Variants in SYN2 observed in about 807,000 individuals in gnomAD.
SYN2 encodes synapsin II, also known as synapsin-2.
A neutral mutation model predicts 50.9 loss-of-function variants in SYN2; 19 were observed. The ratio of observed to expected loss-of-function variants is 0.37; its 90% confidence interval spans 0.26 to 0.55. The LOEUF (loss-of-function observed/expected upper bound fraction) is 0.55, where lower values mean the gene tolerates loss of function less well. Among genes scored for constraint, SYN2 ranks in the 20% least tolerant of loss-of-function variants. The probability of loss-of-function intolerance (pLI) is 0.81; values close to 1 mark genes in which losing one functional copy is unlikely to be tolerated. For synonymous variants in SYN2, 255 were observed against 224.9 expected (o/e 1.13, Z -1.20); for missense variants, 587 against 576.4 (o/e 1.02, Z -0.19).
At chr3:12,107,536 A>G (rs979921294) in intron 1 of SYN2, among the ~76,000 whole-genome samples, 2 of 152,194 alleles carry the variant, frequency 1.3e-5, no homozygotes, top group African/African-American at 4.8e-5. Flanking sequence ...TCAGTTGCTA[A>G]TGGTCATCCG....
chr3:12,056,553 C>A (rs2125159032), intron 1 of SYN2, among the ~76,000 whole-genome samples: 1 of 152,132 alleles, frequency 6.6e-6, no homozygotes, highest in East Asian at 1.9e-4. Flanking sequence ...AGAAGGGCAC[C>A]TATATATTAA....
intron 7 of SYN2, among the ~76,000 whole-genome samples, chr3:12,164,925 G>T (rs11918040): frequency 0.08 from 12,153 of 151,150 alleles, 868 homozygotes; most frequent in East Asian, 0.19. Context: ...GGTCATAGAG[G>T]TTATGGGACT....
In SYN2 at chr3:12,062,267, T is replaced by TG. The variant is rs1164204695; in HGVS notation, c.377+57343dup. ...TTTGACAAAGGAGCAAAGAATTAAA[T>TG]GGGGAAAGGACAGTCTTTTCAACAA... On this transcript the variant is annotated intron_variant, in intron 1 of 12. Coordinates refer to ENST00000621198, the MANE Select transcript of SYN2 (RefSeq NM_133625.6). Among the ~76,000 whole-genome samples the TG allele has an allele frequency of 2.0e-5, 3 of 152,068 alleles. No homozygotes were observed. In the South Asian group the frequency reaches 6.2e-4, roughly 32 times the overall value.
At chr3:12,025,965 CT>C (rs1215305620) in intron 1 of SYN2, among the ~76,000 whole-genome samples, 1 of 152,128 alleles carries the variant, frequency 6.6e-6, no homozygotes, top group Admixed American at 6.6e-5. Context: ...TTTCATGTAG[CT>C]TTTTTCCCCC....
Position 12,184,167 on chromosome 3 carries a change from C to T in SYN2, c.1369+795C>T, listed in dbSNP as rs1440554968. 3.0e-6 allele frequency: 3 copies of T among 985,876 alleles called. No homozygotes were observed. In the African/African-American group the frequency reaches 5.2e-5, roughly 17 times the overall value. The allele number at this position is 985,876 out of a possible 1,614,324, so 61.1% of individuals were successfully genotyped here. On this transcript the variant is annotated intron_variant, in intron 11 of 12. Transcript: ENST00000621198. The stretch of plus-strand genomic sequence containing the variant: ...TTCCAGGAATGTGTTCTGTATTTTA[C>T]ATCCCAGTGTACCCTTTATTTTATT...
At chr3:12,127,748 T>A (rs1696702958) in intron 1 of SYN2, among the ~76,000 whole-genome samples, 1 of 152,218 alleles carries the variant, frequency 6.6e-6, no homozygotes, top group Non-Finnish European at 1.5e-5. Flanking sequence ...ATGCCAGCCA[T>A]GTCAGTTTGC....
chr3:12,152,732 T>C, intron 5 of SYN2, among the ~76,000 whole-genome samples: 1 of 152,172 alleles, frequency 6.6e-6, no homozygotes, highest in Non-Finnish European at 1.5e-5. Context: ...TAAAAAGTTC[T>C]GAAATAGGAA....
intron 1 of SYN2, among the ~76,000 whole-genome samples, chr3:12,127,740 G>A (rs1696702794): frequency 6.6e-6 from 1 of 152,188 alleles, no homozygotes; most frequent in Admixed American, 6.5e-5. Context: ...GGCTGATAAT[G>A]CCAGCCATGT....
chr3:12,101,722 G>A (rs1029575057), intron 1 of SYN2, among the ~76,000 whole-genome samples: 3 of 152,086 alleles, frequency 2.0e-5, no homozygotes, highest in Admixed American at 6.5e-5. Flanking sequence ...TACTTCTATG[G>A]CCCTTAAGCA....
At chr3:12,082,103 G>A (rs1003082087) in intron 1 of SYN2, among the ~76,000 whole-genome samples, 4 of 152,122 alleles carry the variant, frequency 2.6e-5, no homozygotes, top group Non-Finnish European at 5.9e-5. Context: ...AGAATACAAA[G>A]CAAAATCAGC....
intron 1 of SYN2, among the ~76,000 whole-genome samples, chr3:12,012,264 T>C (rs555187395): frequency 6.6e-6 from 1 of 152,224 alleles, no homozygotes; most frequent in East Asian, 1.9e-4. Flanking sequence ...AAGTGAATTC[T>C]AAAATAGCTC....
intron 1 of SYN2, among the ~76,000 whole-genome samples, chr3:12,074,221 A>G (rs530413120): frequency 7.2e-5 from 11 of 152,028 alleles, no homozygotes; most frequent in African/African-American, 2.7e-4. Flanking sequence ...ATGTTTATGT[A>G]TTTTAGGTGT....
At chr3:12,172,822 G>T (rs796850908) in intron 10 of SYN2, among the ~76,000 whole-genome samples, 23 of 152,300 alleles carry the variant, frequency 1.5e-4, no homozygotes, top group African/African-American at 5.3e-4. Flanking sequence ...CTTCTGAGGA[G>T]CCAAAGATGA....
intron 1 of SYN2, among the ~76,000 whole-genome samples, chr3:12,011,185 A>G (rs1693904707): frequency 6.6e-6 from 1 of 152,244 alleles, no homozygotes; most frequent in African/African-American, 2.4e-5. Context: ...AATAATTTCA[A>G]AAACAGTGGG....
intron 1 of SYN2, among the ~76,000 whole-genome samples, chr3:12,006,320 G>A (rs1049231914): frequency 6.6e-5 from 10 of 152,300 alleles, no homozygotes; most frequent in Non-Finnish European, 1.2e-4. Flanking sequence ...CTTTTGCCAG[G>A]AAATGACAAA....
At chr3:12,107,376 A>G (rs1240741394) in intron 1 of SYN2, among the ~76,000 whole-genome samples, 1 of 152,110 alleles carries the variant, frequency 6.6e-6, no homozygotes, top group Non-Finnish European at 1.5e-5. Flanking sequence ...GTTATGAGTG[A>G]TGGATGTCGT....
At chr3:12,106,338 A>G (rs1214350142) in intron 1 of SYN2, among the ~76,000 whole-genome samples, 1 of 152,114 alleles carries the variant, frequency 6.6e-6, no homozygotes, top group Non-Finnish European at 1.5e-5. Context: ...CACCTGGATA[A>G]TCTCCCTATT....
chr3:12,116,123 C>T lies in SYN2; in HGVS notation c.378-24528C>T, dbSNP rs577184068. ...GGCTAATGTCAGCTCTTTTAGGGGACGTGGCCTAGATAAATCAAAGTCTGG... is the reference window on the plus strand; with the variant it reads ...GGCTAATGTCAGCTCTTTTAGGGGATGTGGCCTAGATAAATCAAAGTCTGG... On this transcript the variant is annotated intron_variant, in intron 1 of 12. Transcript: ENST00000621198. Among the ~76,000 whole-genome samples, 10 of 152,174 alleles carry T rather than the reference C, an allele frequency of 6.6e-5. No homozygotes were observed. In the East Asian group the frequency reaches 9.7e-4, roughly 15 times the overall value.
At chr3:12,151,865 G>A (rs1697306287) in intron 5 of SYN2, among the ~76,000 whole-genome samples, 1 of 152,170 alleles carries the variant, frequency 6.6e-6, no homozygotes, top group Non-Finnish European at 1.5e-5. Flanking sequence ...ACTGTGATAA[G>A]GCTGGGTTAA....
Sources: allele counts gnomAD v4.1 joint callset (sites outside exome capture counted in the v4.1 genomes callset), GRCh38; gene constraint gnomAD v4.1.1; transcripts MANE v1.5; gene names NCBI Gene and HGNC (gene_info 2026-07-23, HGNC 2026-07-21).